Variants in NRCAM observed in about 807,000 individuals in gnomAD.
NRCAM encodes the protein NgCAM-related cell adhesion molecule.
Under a neutral mutation model 156.5 loss-of-function variants are expected in NRCAM, and 83 were observed. The observed-to-expected ratio is 0.53, with a 90% CI of 0.44 to 0.64. The LOEUF (loss-of-function observed/expected upper bound fraction) is 0.64, where lower values mean the gene tolerates loss of function less well. Among genes scored for constraint, NRCAM ranks in the 30% least tolerant of loss-of-function variants. The pLI is 0.00. For missense variants in NRCAM, 1,417 were observed against 1,597.3 expected, an observed-to-expected ratio of 0.89 and a Z score of 1.92; for synonymous variants, 538 against 563.9, an observed-to-expected ratio of 0.95 and a Z score of 0.65.
chr7:108,338,640 CAGAG>C (rs1317327170), intron 2 of NRCAM, among the ~76,000 whole-genome samples: 2 of 149,502 alleles, frequency 1.3e-5, no homozygotes, highest in African/African-American at 4.9e-5. Context: ...GGGAGAGACA[CAGAG>C]AGGAGAAAGA....
intron 3 of NRCAM, among the ~76,000 whole-genome samples, chr7:108,288,110 C>G (rs1209796174): frequency 1.3e-5 from 2 of 152,038 alleles, no homozygotes; most frequent in African/African-American, 4.8e-5. Context: ...AACTAGAGAC[C>G]ATTATCCTTA....
intron 13 of NRCAM, among the ~76,000 whole-genome samples, chr7:108,201,234 T>C (rs78262115): frequency 1.3e-5 from 2 of 150,572 alleles, no homozygotes; most frequent in Non-Finnish European, 3.0e-5. Flanking sequence ...ACTTGGGCTC[T>C]CAGTGCTGGG....
At chr7:108,156,209 G>A in intron 32 of NRCAM, 2 of 704,412 alleles carry the variant, frequency 2.8e-6, no homozygotes, top group South Asian at 6.5e-5. Flanking sequence ...CAAGCCTTAT[G>A]AGCATGGGTT....
chr7:108,403,627 G>C (rs567157509), intron 1 of NRCAM, among the ~76,000 whole-genome samples: 2 of 152,230 alleles, frequency 1.3e-5, no homozygotes, highest in South Asian at 2.1e-4. Flanking sequence ...ACATTTACTC[G>C]TTAGAGACTG....
chr7:108,235,168 A>G (rs1054640428), intron 5 of NRCAM, among the ~76,000 whole-genome samples: 3 of 152,190 alleles, frequency 2.0e-5, no homozygotes, highest in African/African-American at 7.2e-5. Flanking sequence ...TTAATATTAA[A>G]CAGACTGTTA....
At chr7:108,435,028 T>C (rs1377066839) in intron 1 of NRCAM, among the ~76,000 whole-genome samples, 3 of 15,410 alleles carry the variant, frequency 1.9e-4, no homozygotes, top group Admixed American at 1.6e-3. Flanking sequence ...GACTCATACA[T>C]GGTAGGAAAA....
chr7:108,244,288 T>C (rs972773407), intron 3 of NRCAM, among the ~76,000 whole-genome samples: 8 of 152,080 alleles, frequency 5.3e-5, no homozygotes, highest in African/African-American at 1.9e-4. Flanking sequence ...AATATGCTGA[T>C]GTGACTAGAT....
Position 108,181,828 on chromosome 7 carries a change from G to T in NRCAM, c.2640C>A (p.Gly880=). The T allele has an allele frequency of 6.2e-7, 1 of 1,612,912 alleles. No homozygotes were observed. Among genetic ancestry groups the T allele is most frequent in the East Asian group, 2.2e-5 (1 of 44,866 alleles). ...AAGGTCCCCTTTCACTTGCCCGATA[G>T]CCTTGTAGGTGTCCTCGGATGCTTT... ...PLKSIRGHLQ[G]YRIYYWKTQS... is the part of the protein sequence containing the mutation. The change falls in exon 24 of 33, where the codon GGC becomes GGA. Residue 880 remains glycine (G), a synonymous_variant. Coordinates refer to ENST00000379028, the MANE Select transcript of NRCAM (RefSeq NM_001037132.4).
At chr7:108,251,650 G>A (rs1169512440) in intron 3 of NRCAM, among the ~76,000 whole-genome samples, 2 of 152,224 alleles carry the variant, frequency 1.3e-5, no homozygotes, top group African/African-American at 4.8e-5. Flanking sequence ...AAGCAGGCAT[G>A]GGAAAGTGAG....
chr7:108,267,503 C>T (rs1341204841), intron 3 of NRCAM, among the ~76,000 whole-genome samples: 2 of 152,072 alleles, frequency 1.3e-5, no homozygotes, highest in Non-Finnish European at 2.9e-5. Context: ...TTTGATTACA[C>T]GTGTCCGTAT....
intron 1 of NRCAM, among the ~76,000 whole-genome samples, chr7:108,430,291 C>A (rs1823308341): frequency 6.6e-6 from 1 of 152,050 alleles, no homozygotes; most frequent in South Asian, 2.1e-4. Context: ...GATGTAGCAC[C>A]AAGGATAAAA....
At chr7:108,388,801 A>G (rs1596068204) in intron 2 of NRCAM, among the ~76,000 whole-genome samples, 1 of 152,318 alleles carries the variant, frequency 6.6e-6, no homozygotes, top group South Asian at 2.1e-4. Context: ...TCCCAGCACC[A>G]TTTATTAAAT....
rs1270730468 is a variant in NRCAM, at chr7:108,207,436, CTGAGT to C, written c.1207+87_1207+91del. Reference sequence around the variant, plus strand: ...CATACATGTGGCTTCCTTCCTTAACCTGAGTTATTTTTTTATCACCATTTATTCAC... The same window carrying C: ...CATACATGTGGCTTCCTTCCTTAACCTATTTTTTTATCACCATTTATTCAC... On this transcript the variant is annotated intron_variant, in intron 13 of 32. Transcript: ENST00000379028. 4.1e-5 allele frequency: 55 copies of C among 1,357,214 alleles called. No homozygotes were observed. In the Middle Eastern group the frequency reaches 9.4e-4, roughly 23 times the overall value. The allele number at this position is 1,357,214 out of a possible 1,614,324, so 84.1% of individuals were successfully genotyped here. A position where few individuals can be genotyped will look rare whatever the true frequency, so the allele number is the denominator to read the frequency against.
At chr7:108,285,011 G>C (rs2098033215) in intron 3 of NRCAM, among the ~76,000 whole-genome samples, 1 of 152,226 alleles carries the variant, frequency 6.6e-6, no homozygotes, top group Admixed American at 6.5e-5. Flanking sequence ...AGACGGGTGA[G>C]ACTTTGAGAG....
chr7:108,432,330 T>C (rs1826286824), intron 1 of NRCAM, among the ~76,000 whole-genome samples: 1 of 152,242 alleles, frequency 6.6e-6, no homozygotes, highest in South Asian at 2.1e-4. Flanking sequence ...TAGAATCCTG[T>C]AAATTATGCC....
intron 3 of NRCAM, among the ~76,000 whole-genome samples, chr7:108,296,073 T>C (rs1442893432): frequency 2.0e-5 from 3 of 152,212 alleles, no homozygotes; most frequent in Non-Finnish European, 2.9e-5. Context: ...CAGTTATAGA[T>C]GGAAGTCAGA....
chr7:108,311,316 C>A (rs2098799896), intron 3 of NRCAM, among the ~76,000 whole-genome samples: 1 of 152,120 alleles, frequency 6.6e-6, no homozygotes, highest in African/African-American at 2.4e-5. Flanking sequence ...TGGTATATGT[C>A]CCTGTCAGAA....
intron 3 of NRCAM, among the ~76,000 whole-genome samples, chr7:108,255,898 G>A (rs1250806983): frequency 0.034 from 2,531 of 74,882 alleles, 51 homozygotes; most frequent in African/African-American, 0.11. Context: ...CCCGGCAGCC[G>A]CCCCGTCCGG....
rs1351972036 is a variant in NRCAM, at chr7:108,268,622, G to C, written c.-106-28452C>G. Among the ~76,000 whole-genome samples the C allele has an allele frequency of 1.4e-4, 16 of 111,842 alleles. 4 individuals are homozygous for C. The highest frequency in any genetic ancestry group is 1.0e-3 in the Admixed American group (12 of 11,676). 73.4% of individuals were successfully genotyped at this position (111,842 alleles called of 152,430 possible). On this transcript the variant is annotated intron_variant, in intron 3 of 32. Coordinates refer to ENST00000379028, the MANE Select transcript of NRCAM (RefSeq NM_001037132.4). ...GAAGAAATGAGCGGGGCGGGGGTGGGGGTGGGGGGGGGTTGGGGGGGGCGG... is the reference window on the plus strand; with the variant it reads ...GAAGAAATGAGCGGGGCGGGGGTGGCGGTGGGGGGGGGTTGGGGGGGGCGG...
Sources: allele counts gnomAD v4.1 joint callset (sites outside exome capture counted in the v4.1 genomes callset), GRCh38; gene constraint gnomAD v4.1.1; transcripts MANE v1.5; gene names NCBI Gene and HGNC (gene_info 2026-07-23, HGNC 2026-07-21).